The following TGFBR3 variants were observed in gnomAD, a reference collection of about 807,000 sequenced individuals.
The protein encoded by TGFBR3 is transforming growth factor beta receptor type 3.
A neutral mutation model predicts 87.9 loss-of-function variants in TGFBR3; 46 were observed. The observed-to-expected ratio is 0.52, with a 90% CI of 0.41 to 0.67. The LOEUF is 0.67. Ranked by LOEUF, TGFBR3 falls within the 30% of genes least tolerant of loss-of-function variation. TGFBR3 has a pLI of 0.00. For synonymous variants in TGFBR3, 381 were observed against 391.6 expected (o/e 0.97, Z 0.32); for missense variants, 866 against 1,041.9 (o/e 0.83, Z 2.32).
At chr1:91,696,605 T>C (rs1170045815) in intron 15 of TGFBR3, among the ~76,000 whole-genome samples, 1 of 152,212 alleles carries the variant, frequency 6.6e-6, no homozygotes, top group Non-Finnish European at 1.5e-5. Flanking sequence ...TTAAGAGAAC[T>C]ACCTTCTTTG....
intron 15 of TGFBR3, among the ~76,000 whole-genome samples, chr1:91,696,237 T>C (rs1160985007): frequency 6.6e-6 from 1 of 152,228 alleles, no homozygotes; most frequent in Non-Finnish European, 1.5e-5. Context: ...ACACACACCT[T>C]AGAATACTTT....
intron 3 of TGFBR3, among the ~76,000 whole-genome samples, chr1:91,791,269 G>T (rs1443162150): frequency 6.6e-6 from 1 of 152,152 alleles, no homozygotes; most frequent in South Asian, 2.1e-4. Flanking sequence ...AAGGCCTGGG[G>T]GTGGGGGGAA....
rs1410388595 is a variant in TGFBR3, at chr1:91,731,166, T to G, written c.569-1193A>C. ...TAAAACAGACTTCTGCCTTTTCCAT[T>G]TTGAGGACAGGATGCCAGGGTTCAA... is the stretch of plus-strand genomic sequence containing the variant. On this transcript the variant is annotated intron_variant, in intron 5 of 16. Transcript: ENST00000212355. Among the ~76,000 whole-genome samples the G allele has an allele frequency of 2.0e-5, 3 of 152,338 alleles. No homozygotes were observed. The East Asian group carries it at 5.8e-4, about 29-fold the overall frequency.
At chr1:91,900,343 A>T (rs1438802785) in intron 1 of TGFBR3, among the ~76,000 whole-genome samples, 2 of 152,086 alleles carry the variant, frequency 1.3e-5, no homozygotes, top group Non-Finnish European at 2.9e-5. Flanking sequence ...CAAACTCCAG[A>T]CCTCGGGTGA....
intron 6 of TGFBR3, 76 bp downstream of exon 6, chr1:91,729,729 C>T (rs1672695616): frequency 7.0e-6 from 11 of 1,560,586 alleles, no homozygotes; most frequent in East Asian, 6.7e-5. Context: ...GGACGGGCTA[C>T]ACCTCTCCCT....
chr1:91,824,952 TCC>T (rs1299656722), intron 2 of TGFBR3, among the ~76,000 whole-genome samples: 1 of 151,060 alleles, frequency 6.6e-6, no homozygotes, highest in Non-Finnish European at 1.5e-5. Flanking sequence ...AGAGCAAGAC[TCC>T]GTCTCAAAAA....
At chr1:91,764,436 T>C (rs1419022806) in intron 3 of TGFBR3, among the ~76,000 whole-genome samples, 1 of 149,794 alleles carries the variant, frequency 6.7e-6, no homozygotes, top group Admixed American at 6.7e-5. Context: ...GGGTTGGGGG[T>C]TGAGGGGCAA....
intron 1 of TGFBR3, among the ~76,000 whole-genome samples, chr1:91,878,846 A>G (rs941266739): frequency 1.3e-5 from 2 of 152,246 alleles, no homozygotes; most frequent in Admixed American, 6.5e-5. Context: ...AACAACACCC[A>G]ACTCCAAAGG....
At chr1:91,711,754 T>C (rs1671990919) in intron 13 of TGFBR3, among the ~76,000 whole-genome samples, 2 of 152,190 alleles carry the variant, frequency 1.3e-5, no homozygotes, top group African/African-American at 4.8e-5. Flanking sequence ...GAGGCAAATA[T>C]GATGAACTGA....
chr1:91,890,369 C>T (rs916854840), upstream of TGFBR3, among the ~76,000 whole-genome samples: 14 of 125,016 alleles, frequency 1.1e-4, no homozygotes, highest in African/African-American at 3.8e-4. Context: ...GTCTAAAAGA[C>T]TTTATCATTA....
At chr1:91,833,486 G>T in intron 2 of TGFBR3, among the ~76,000 whole-genome samples, 1 of 120,976 alleles carries the variant, frequency 8.3e-6, no homozygotes, top group Non-Finnish European at 1.7e-5. Flanking sequence ...AAAAAAAAAA[G>T]GCCAGGCACG....
At position 91,895,289 on chromosome 1, in the gene TGFBR3, T is replaced by C. The variant is rs373964497; in HGVS notation, c.-114+4348A>G. Among the ~76,000 whole-genome samples, 47 of 152,254 alleles carry C rather than the reference T, an allele frequency of 3.1e-4. 1 individual carries two copies. The South Asian group carries it at 9.1e-3, about 30-fold the overall frequency. On this transcript the variant is annotated intron_variant, in intron 2 of 17. Transcript: ENST00000370399. ...CTTGCGAGATCTAATCATCTAAAAGTGTGCAGCATCTCTCCCCTCACTCTC... is the reference window on the plus strand; with the variant it reads ...CTTGCGAGATCTAATCATCTAAAAGCGTGCAGCATCTCTCCCCTCACTCTC...
At chr1:91,750,103 T>G (rs1444681288) in intron 4 of TGFBR3, among the ~76,000 whole-genome samples, 1 of 152,220 alleles carries the variant, frequency 6.6e-6, no homozygotes, top group Non-Finnish European at 1.5e-5. Flanking sequence ...TTCACAGGGC[T>G]GCAACCCATG....
At position 91,681,194 on chromosome 1, in the gene TGFBR3, G is replaced by C; in HGVS notation, c.*2545C>G. Reference sequence around the variant, plus strand: ...TTGTACTTTGTATTAAAACTGTAAAGTGTGAAGCAATTAGAAATACTGTAA... The same window carrying C: ...TTGTACTTTGTATTAAAACTGTAAACTGTGAAGCAATTAGAAATACTGTAA... On this transcript the variant is annotated 3_prime_UTR_variant, in exon 17 of 17. Transcript: ENST00000212355. 2.2e-6 allele frequency: 1 copy of C among 452,932 alleles called. No homozygotes were observed. The highest frequency in any genetic ancestry group is 1.6e-5 in the South Asian group (1 of 64,170). 28.1% of individuals were successfully genotyped at this position (452,932 alleles called of 1,614,324 possible).
At chr1:91,835,348 A>G (rs1282701067) in intron 2 of TGFBR3, among the ~76,000 whole-genome samples, 2 of 152,252 alleles carry the variant, frequency 1.3e-5, no homozygotes, top group East Asian at 3.8e-4. Flanking sequence ...TAGCTCTACA[A>G]GGAAGAAGTA....
rs17882937 is a variant in TGFBR3 at position 91,862,431 on chromosome 1, T to A, written c.-113-787A>T. 5.2e-3 allele frequency among the ~76,000 whole-genome samples: 799 copies of A among 152,294 alleles called. 4 individuals carry two copies. The highest frequency in any genetic ancestry group is 0.015 in the South Asian group (71 of 4,822). ...ATAAAGAAACATAAAAAGGCAAGGT[T>A]CTTATTTCAACTGTTTGCCAACATT... On this transcript the variant is annotated intron_variant, in intron 1 of 16. Coordinates refer to ENST00000212355, the MANE Select transcript of TGFBR3 (RefSeq NM_003243.5).
intron 1 of TGFBR3, among the ~76,000 whole-genome samples, chr1:91,900,566 T>G (rs1679690529): frequency 6.6e-6 from 1 of 152,208 alleles, no homozygotes; most frequent in Non-Finnish European, 1.5e-5. Flanking sequence ...TAGCTAGTTT[T>G]TTCTTATAAA....
At chr1:91,762,446 A>G (rs1428685826) in intron 3 of TGFBR3, among the ~76,000 whole-genome samples, 1 of 152,196 alleles carries the variant, frequency 6.6e-6, no homozygotes, top group Non-Finnish European at 1.5e-5. Flanking sequence ...TACAAATTAC[A>G]CCGCTGGTCT....
upstream of TGFBR3, among the ~76,000 whole-genome samples, chr1:91,889,736 G>T (rs181007016): frequency 4.6e-5 from 7 of 151,886 alleles, no homozygotes; most frequent in South Asian, 1.5e-3. Flanking sequence ...GTGCAGCAGC[G>T]CGATCTCAGC....
Sources: gnomAD v4.1 joint callset for allele counts (sites outside exome capture counted in the v4.1 genomes callset) on GRCh38, gnomAD v4.1.1 for gene constraint, MANE v1.5 for transcripts, NCBI Gene and HGNC (gene_info 2026-07-23, HGNC 2026-07-21) for gene names.